AGBL4: variants seen among roughly 807,000 people sequenced by gnomAD.
AGBL4 encodes AGBL carboxypeptidase 4, also known as cytosolic carboxypeptidase 6.
In AGBL4, 58 loss-of-function variants were observed where a neutral mutation model predicts 66.4. The observed-to-expected ratio is 0.87, with a 90% CI of 0.71 to 1.09. The LOEUF (loss-of-function observed/expected upper bound fraction) is 1.09, where lower values mean the gene tolerates loss of function less well. Among genes scored for constraint, AGBL4 ranks in the 50% least tolerant of loss-of-function variants. AGBL4 has a pLI of 0.00. For missense variants in AGBL4, 579 were observed against 631.0 expected, an observed-to-expected ratio of 0.92 and a Z score of 0.88; for synonymous variants, 234 against 222.9, an observed-to-expected ratio of 1.05 and a Z score of -0.44.
intron 3 of AGBL4, among the ~76,000 whole-genome samples, chr1:49,262,206 C>T (rs1653247540): frequency 6.6e-6 from 1 of 152,024 alleles, no homozygotes; most frequent in Admixed American, 6.6e-5. Context: ...CCATAAAAAC[C>T]CTAGAAGAAA....
At chr1:49,680,418 A>G (rs1293973792) in intron 3 of AGBL4, among the ~76,000 whole-genome samples, 1 of 149,802 alleles carries the variant, frequency 6.7e-6, no homozygotes, top group Non-Finnish European at 1.5e-5. Context: ...GTATGGCAAC[A>G]ATTTTATTAG....
At chr1:49,584,482 G>A (rs1248777614) in intron 3 of AGBL4, among the ~76,000 whole-genome samples, 2 of 152,060 alleles carry the variant, frequency 1.3e-5, no homozygotes, top group Admixed American at 1.3e-4. Flanking sequence ...TTGGAAAGCA[G>A]TGACTTGTTT....
At chr1:49,547,814 C>T (rs1652616321) in intron 3 of AGBL4, among the ~76,000 whole-genome samples, 1 of 151,214 alleles carries the variant, frequency 6.6e-6, no homozygotes, top group African/African-American at 2.4e-5. Flanking sequence ...TACTCTGTCA[C>T]CCAGGCTGGA....
At chr1:48,800,132 C>G (rs1645776759) in intron 6 of AGBL4, among the ~76,000 whole-genome samples, 1 of 152,168 alleles carries the variant, frequency 6.6e-6, no homozygotes, top group African/African-American at 2.4e-5. Context: ...TGGTCCTGGA[C>G]ATTTTTTTGT....
intron 1 of AGBL4, among the ~76,000 whole-genome samples, chr1:49,861,587 C>A (rs771869173): frequency 1.3e-5 from 2 of 152,082 alleles, no homozygotes; most frequent in Non-Finnish European, 2.9e-5. Flanking sequence ...TTATTTCAAT[C>A]TCTACGTTAA....
At chr1:49,177,556 A>C (rs1440203511) in intron 4 of AGBL4, among the ~76,000 whole-genome samples, 1 of 152,090 alleles carries the variant, frequency 6.6e-6, no homozygotes, top group Admixed American at 6.5e-5. Context: ...GAAACAGTAA[A>C]CCTGAGTTCC....
chr1:49,570,764 A>G (rs1644311059), intron 3 of AGBL4, among the ~76,000 whole-genome samples: 1 of 152,074 alleles, frequency 6.6e-6, no homozygotes, highest in East Asian at 1.9e-4. Flanking sequence ...ATTTTTATAT[A>G]TGATGAGAGA....
intron 4 of AGBL4, among the ~76,000 whole-genome samples, chr1:49,130,323 T>A (rs1398376686): frequency 6.6e-6 from 1 of 152,202 alleles, no homozygotes; most frequent in Non-Finnish European, 1.5e-5. Flanking sequence ...TTTAATTAGA[T>A]CCCATTTGTC....
At chr1:49,573,610 G>A (rs990916962) in intron 3 of AGBL4, among the ~76,000 whole-genome samples, 1 of 152,118 alleles carries the variant, frequency 6.6e-6, no homozygotes, top group South Asian at 2.1e-4. Context: ...TCAGAAACAG[G>A]TACTGAGCCT....
In AGBL4 at chr1:48,663,134, T is replaced by C. The variant is rs1646133895; in HGVS notation, c.724+18A>G. 6.2e-7 allele frequency: 1 copy of C among 1,603,700 alleles called. No homozygotes were observed. The highest frequency in any genetic ancestry group is 2.2e-5 in the East Asian group (1 of 44,826). ...GTTGGATGTGGGTATAGGATACCTA[T>C]GAGATCCTGCCACTCACCTTGGCAC... is the stretch of plus-strand genomic sequence containing the variant. On this transcript the variant is annotated intron_variant, in intron 7 of 13. Coordinates refer to ENST00000371839, the MANE Select transcript of AGBL4 (RefSeq NM_032785.4).
chr1:49,892,492 G>A (rs1648755062), intron 1 of AGBL4, among the ~76,000 whole-genome samples: 1 of 152,036 alleles, frequency 6.6e-6, no homozygotes, highest in Non-Finnish European at 1.5e-5. Context: ...TACCTAGTAT[G>A]TACTTCATTT....
Position 49,931,295 on chromosome 1 carries a change from T to C in AGBL4, c.35-79777A>G, listed in dbSNP as rs372390594. Among the ~76,000 whole-genome samples the C allele has an allele frequency of 3.3e-5, 5 of 152,210 alleles. No homozygotes were observed. The South Asian group carries it at 8.3e-4, about 25-fold the overall frequency. On this transcript the variant is annotated intron_variant, in intron 1 of 13. Coordinates refer to ENST00000371839, the MANE Select transcript of AGBL4 (RefSeq NM_032785.4). ...ATACTATATTCATGAGTTGAAAGAA[T>C]ATTGTTAAGATAGTGCATTAGTCCA...
intron 11 of AGBL4, among the ~76,000 whole-genome samples, chr1:48,547,558 T>C (rs1644184520): frequency 6.6e-6 from 1 of 152,118 alleles, no homozygotes; most frequent in African/African-American, 2.4e-5. Context: ...GGGTTTGAGC[T>C]ATGAGACATT....
intron 3 of AGBL4, among the ~76,000 whole-genome samples, chr1:49,359,857 T>C (rs1442808617): frequency 6.6e-6 from 1 of 152,118 alleles, no homozygotes; most frequent in African/African-American, 2.4e-5. Flanking sequence ...TAACCAACTA[T>C]CCTGGTTCGC....
intron 1 of AGBL4, among the ~76,000 whole-genome samples, chr1:49,902,306 G>A (rs1009123624): frequency 1.3e-5 from 2 of 152,086 alleles, no homozygotes; most frequent in Non-Finnish European, 2.9e-5. Flanking sequence ...CTGATATCCA[G>A]AATCTATAAG....
chr1:49,364,479 T>A (rs917621336), intron 3 of AGBL4, among the ~76,000 whole-genome samples: 1 of 146,568 alleles, frequency 6.8e-6, no homozygotes, highest in African/African-American at 2.5e-5. Flanking sequence ...ATGAGAGTAG[T>A]TTTTTTTTTT....
At chr1:48,680,035 G>A (rs566325065) in intron 6 of AGBL4, among the ~76,000 whole-genome samples, 1 of 152,340 alleles carries the variant, frequency 6.6e-6, no homozygotes, top group East Asian at 1.9e-4. Flanking sequence ...ACATTGTAAG[G>A]CTGCAGTCAG....
At chr1:49,444,737 A>G (rs1322699491) in intron 3 of AGBL4, among the ~76,000 whole-genome samples, 2 of 151,950 alleles carry the variant, frequency 1.3e-5, no homozygotes, top group Non-Finnish European at 2.9e-5. Flanking sequence ...CAGCAATTCT[A>G]TACCTTTTAA....
intron 3 of AGBL4, among the ~76,000 whole-genome samples, chr1:49,595,176 C>T (rs1449205637): frequency 1.3e-5 from 2 of 152,130 alleles, no homozygotes; most frequent in African/African-American, 4.8e-5. Flanking sequence ...GCAAGCTCCT[C>T]CTACCGGGTT....
Sources: gnomAD v4.1 joint callset for allele counts (sites outside exome capture counted in the v4.1 genomes callset) on GRCh38, gnomAD v4.1.1 for gene constraint, MANE v1.5 for transcripts, NCBI Gene and HGNC (gene_info 2026-07-23, HGNC 2026-07-21) for gene names.